Variants in TRUB1 observed in about 807,000 individuals in gnomAD.
TRUB1 encodes the protein pseudouridylate synthase TRUB1.
TRUB1 carries 23 observed loss-of-function variants against 33.9 expected under a neutral mutation model. That is an observed-to-expected ratio of 0.68 (90% CI 0.49 to 0.96). The LOEUF is 0.96. Among genes scored for constraint, TRUB1 ranks in the 40% least tolerant of loss-of-function variants. The probability of loss-of-function intolerance (pLI) is 0.00; values close to 1 mark genes in which losing one functional copy is unlikely to be tolerated. For missense variants in TRUB1, 378 were observed against 422.2 expected (o/e 0.90, Z 0.92); for synonymous variants, 163 against 165.4 (o/e 0.99, Z 0.11).
intron 4 of TRUB1, among the ~76,000 whole-genome samples, chr10:114,966,833 T>C (rs2084310754): frequency 6.6e-6 from 1 of 152,196 alleles, no homozygotes; most frequent in African/African-American, 2.4e-5. Flanking sequence ...TTATTTGTTC[T>C]AGTTGTGTTT....
At chr10:114,966,224 C>T (rs149570170) in intron 4 of TRUB1, among the ~76,000 whole-genome samples, 4 of 151,986 alleles carry the variant, frequency 2.6e-5, no homozygotes, top group East Asian at 1.9e-4. Context: ...ATATGTACAT[C>T]GTTTTGTAAC....
rs1423876718 is a variant in TRUB1 at position 114,975,775 on chromosome 10, T to G, written c.*396T>G. ...AAAATGACCATAATTTAGTGTTATT[T>G]TTACTTTATTTAGGCTTCCTGGTGG... On this transcript the variant is annotated 3_prime_UTR_variant, in exon 8 of 8. Transcript: ENST00000298746. The G allele has an allele frequency of 6.5e-6, 1 of 153,306 alleles. No individual in the cohort carries two copies. The highest frequency in any genetic ancestry group is 1.5e-5 in the Non-Finnish European group (1 of 68,896). 9.5% of individuals were successfully genotyped at this position (153,306 alleles called of 1,614,324 possible).
intron 6 of TRUB1, 46 bp downstream of exon 6, chr10:114,972,320 A>C (rs748438948): frequency 1.4e-5 from 22 of 1,552,882 alleles, no homozygotes; most frequent in Middle Eastern, 1.7e-4. Context: ...GTGTATTTTT[A>C]ATTTGTATTT....
intron 4 of TRUB1, chr10:114,960,039 A>T (rs2084278971): frequency 4.5e-6 from 2 of 441,614 alleles, no homozygotes; most frequent in Non-Finnish European, 7.9e-6. Flanking sequence ...TTAAGTGTTC[A>T]GAATTATTCT....
intron 2 of TRUB1, among the ~76,000 whole-genome samples, chr10:114,948,122 G>A (rs976371953): frequency 4.6e-5 from 7 of 152,214 alleles, no homozygotes; most frequent in African/African-American, 1.2e-4. Context: ...ATTTGAGTGA[G>A]CACAGAACAC....
At chr10:114,953,076 C>T (rs1158655384) in intron 3 of TRUB1, among the ~76,000 whole-genome samples, 1 of 152,068 alleles carries the variant, frequency 6.6e-6, no homozygotes, top group African/African-American at 2.4e-5. Flanking sequence ...CCCTCCTCCC[C>T]CAAACCACAA....
chr10:114,958,000 G>A (rs937082341), intron 3 of TRUB1, among the ~76,000 whole-genome samples: 2 of 152,130 alleles, frequency 1.3e-5, no homozygotes, highest in Non-Finnish European at 2.9e-5. Context: ...ATTATTATCT[G>A]TTATTTACCA....
chr10:114,975,367 T>G lies in TRUB1; in HGVS notation c.1038T>G (p.Ile346Met). The G allele has an allele frequency of 6.3e-7, 1 of 1,579,308 alleles. No homozygotes were observed. The highest frequency in any genetic ancestry group is 8.6e-7 in the Non-Finnish European group (1 of 1,160,318). The change falls in exon 8 of 8, where the codon ATT (isoleucine) becomes ATG (methionine). Residue 346 changes from isoleucine to methionine, a missense_variant. Ile to Met is a conservative substitution (Grantham distance 10). Transcript: ENST00000298746. ...LNEPKREDDV[I>M]KTC is the part of the protein sequence containing the mutation. ...AGCCAAAGAGAGAAGATGATGTAAT[T>G]AAGACGTGTTGAGATTGGCCTGGGA...
At chr10:114,975,020 T>G (rs2084353607) in intron 7 of TRUB1, 103 bp from the exon 8 acceptor site, 2 of 1,389,626 alleles carry the variant, frequency 1.4e-6, no homozygotes, top group Admixed American at 5.0e-5. Context: ...TTTTGGGTGG[T>G]TTTGAGAGAT....
Position 114,974,321 on chromosome 10 carries a change from C to T in TRUB1, c.737-8C>T. 1 of 1,610,680 alleles carries T rather than the reference C, an allele frequency of 6.2e-7. No individual in the cohort carries two copies. The highest frequency in any genetic ancestry group is 1.1e-5 in the South Asian group (1 of 90,868). ...TAGCAATTTACTATGTCACTGTTAA[C>T]ATTCCAGATGTTGAATGTGGAGGAG... On this transcript the variant is annotated splice_polypyrimidine_tract_variant and splice_region_variant and intron_variant, in intron 6 of 7. Transcript: ENST00000298746.
chr10:114,944,203 T>C (rs996645130), intron 2 of TRUB1, among the ~76,000 whole-genome samples: 5 of 151,986 alleles, frequency 3.3e-5, no homozygotes, highest in African/African-American at 1.2e-4. Context: ...ACAATACTTA[T>C]CTTTTTACAT....
chr10:114,955,913 T>G (rs368431271), intron 3 of TRUB1, among the ~76,000 whole-genome samples: 82 of 152,332 alleles, frequency 5.4e-4, no homozygotes, highest in East Asian at 1.5e-3. Context: ...GCCACATGTT[T>G]TTGGTTTGAT....
chr10:114,972,057 A>G (rs1317873263), intron 5 of TRUB1, 78 bp from the exon 6 acceptor site: 1 of 1,504,738 alleles, frequency 6.6e-7, no homozygotes, highest in East Asian at 2.3e-5. Flanking sequence ...ATCTGAAATT[A>G]TCATCTCCCA....
chr10:114,947,018 T>C (rs796254295), intron 2 of TRUB1, among the ~76,000 whole-genome samples: 94 of 152,264 alleles, frequency 6.2e-4, no homozygotes, highest in African/African-American at 2.2e-3. Flanking sequence ...GTGGACCCAA[T>C]GTAATCACAA....
At chr10:114,942,824 C>G (rs913010767) in intron 2 of TRUB1, 81 bp downstream of exon 2, 22 of 870,020 alleles carry the variant, frequency 2.5e-5, no homozygotes, top group Non-Finnish European at 4.1e-5. Context: ...GATAGATTGA[C>G]TAAAGCCTTC....
intron 4 of TRUB1, among the ~76,000 whole-genome samples, chr10:114,961,727 A>G (rs1267811859): frequency 6.6e-6 from 1 of 152,212 alleles, no homozygotes; most frequent in Non-Finnish European, 1.5e-5. Flanking sequence ...GCTGATTGGC[A>G]TGATTTTTCT....
intron 2 of TRUB1, among the ~76,000 whole-genome samples, chr10:114,948,779 G>A (rs1475101602): frequency 6.6e-6 from 1 of 152,180 alleles, no homozygotes; most frequent in Non-Finnish European, 1.5e-5. Context: ...ACCATCATGA[G>A]TTCAGTATTT....
intron 2 of TRUB1, among the ~76,000 whole-genome samples, chr10:114,942,979 C>G (rs2084195447): frequency 6.6e-6 from 1 of 152,214 alleles, no homozygotes; most frequent in Admixed American, 6.5e-5. Flanking sequence ...AAAAAGGTTT[C>G]TCTCTGTGCA....
chr10:114,950,393 A>T (rs145195676), intron 2 of TRUB1, among the ~76,000 whole-genome samples: 1 of 152,174 alleles, frequency 6.6e-6, no homozygotes, highest in Non-Finnish European at 1.5e-5. Context: ...ATGCACAGTT[A>T]TATCTGTTGA....
Sources: gnomAD v4.1 joint callset for allele counts (sites outside exome capture counted in the v4.1 genomes callset) on GRCh38, gnomAD v4.1.1 for gene constraint, MANE v1.5 for transcripts, NCBI Gene and HGNC (gene_info 2026-07-23, HGNC 2026-07-21) for gene names.